PCDHGA5: variants seen among roughly 807,000 people sequenced by gnomAD.
PCDHGA5 encodes the protein protocadherin gamma-A5.
PCDHGA5 carries 36 observed loss-of-function variants against 56.7 expected under a neutral mutation model. The ratio of observed to expected loss-of-function variants is 0.64; its 90% CI spans 0.49 to 0.84. PCDHGA5 has a LOEUF of 0.84. PCDHGA5 is among the 40% of genes least tolerant of loss of function. PCDHGA5 has a pLI of 0.00. For missense variants in PCDHGA5, 1,305 were observed against 1,201.5 expected, an observed-to-expected ratio of 1.09 and a Z score of -1.27; for synonymous variants, 563 against 520.2, an observed-to-expected ratio of 1.08 and a Z score of -1.12.
At chr5:141,409,567 G>T (rs974585499) in intron 1 of PCDHGA5, 2 of 1,613,896 alleles carry the variant, frequency 1.2e-6, no homozygotes, top group Non-Finnish European at 1.7e-6. Context: ...TCGACCAGAC[G>T]TCCTACGTGG....
chr5:141,477,221 A>G lies in PCDHGA5; in HGVS notation c.2422-17586A>G, dbSNP rs771608717. 1 of 1,614,178 alleles carries G rather than the reference A, an allele frequency of 6.2e-7. No homozygotes were observed. The highest frequency in any genetic ancestry group is 8.5e-7 in the Non-Finnish European group (1 of 1,180,044). ...AGTACCCGAGGATGCCCCTCTGGGG[A>G]CTGTCATCGCTTTGCTCAGTGTGAC... On this transcript the variant is annotated intron_variant, in intron 1 of 3. Coordinates refer to ENST00000518069, the MANE Select transcript of PCDHGA5 (RefSeq NM_018918.3). This position sits in a 1 kb window ranked among gnomAD's most constrained non-coding sequence, Gnocchi z 4.9.
intron 1 of PCDHGA5, among the ~76,000 whole-genome samples, chr5:141,471,046 CTTTT>C (rs1170588345): frequency 5.3e-5 from 6 of 113,264 alleles, no homozygotes; most frequent in Admixed American, 9.3e-5. Context: ...CCCAAGCCCT[CTTTT>C]TTTTTTTTTT....
In PCDHGA5 at chr5:141,489,412, G is replaced by C; in HGVS notation, c.2422-5395G>C. On this transcript the variant is annotated intron_variant, in intron 1 of 3. Coordinates refer to ENST00000518069, the MANE Select transcript of PCDHGA5 (RefSeq NM_018918.3). The surrounding 1 kb of genome is among the most constrained non-coding windows in gnomAD (Gnocchi z 4.5). ...TCAGGATCTGGGCTTAAAGATGACAGATCTGTTGAGCCGGCGGCTGCAATT... is the reference window on the plus strand; with the variant it reads ...TCAGGATCTGGGCTTAAAGATGACACATCTGTTGAGCCGGCGGCTGCAATT... The C allele has an allele frequency of 6.2e-7, 1 of 1,614,172 alleles. No individual in the cohort carries two copies. Among genetic ancestry groups the C allele is most frequent in the Non-Finnish European group, 8.5e-7 (1 of 1,180,040 alleles).
At chr5:141,435,180 C>G (rs1341148119) in intron 1 of PCDHGA5, among the ~76,000 whole-genome samples, 1 of 152,074 alleles carries the variant, frequency 6.6e-6, no homozygotes, top group African/African-American at 2.4e-5. Context: ...TTTAACTACA[C>G]TTGAGATGGC....
intron 2 of PCDHGA5, among the ~76,000 whole-genome samples, chr5:141,503,985 T>C (rs1277024188): frequency 6.6e-6 from 1 of 152,150 alleles, no homozygotes; most frequent in African/African-American, 2.4e-5. Flanking sequence ...ACCCTTCTTC[T>C]TACCTTACAG....
In PCDHGA5 at chr5:141,511,116, G is replaced by A. The variant is rs2099883616; in HGVS notation, c.2739G>A (p.Lys913=). Residue 913 remains lysine, a synonymous_variant, in exon 4 of 4, where the codon AAG becomes AAA. Transcript: ENST00000518069. The stretch of plus-strand genomic sequence containing the variant: ...ACGCAGCTGGCAAGCGGGATGGCAA[G>A]GCCCCAGCAGGTGGCAATGGCAACA... ...LTNAAGKRDG[K]APAGGNGNKK... The A allele has an allele frequency of 1.9e-6, 3 of 1,614,234 alleles. No individual in the cohort carries two copies. The highest frequency in any genetic ancestry group is 2.5e-6 in the Non-Finnish European group (3 of 1,180,026).
At chr5:141,505,300 G>A in intron 2 of PCDHGA5, 93 bp from the exon 3 acceptor site, 1 of 1,589,042 alleles carries the variant, frequency 6.3e-7, no homozygotes, top group South Asian at 1.1e-5. Flanking sequence ...GGTAGGGTTA[G>A]GGTACTAGGT....
At chr5:141,502,512 T>C (rs1029375922) in intron 2 of PCDHGA5, among the ~76,000 whole-genome samples, 2 of 152,212 alleles carry the variant, frequency 1.3e-5, no homozygotes, top group East Asian at 1.9e-4. Context: ...CCTGTCCCAC[T>C]ATCAGTGATG....
At chr5:141,371,918 C>G in intron 1 of PCDHGA5, 7 of 1,613,372 alleles carry the variant, frequency 4.3e-6, no homozygotes, top group Non-Finnish European at 5.1e-6. Context: ...TGTCCGTGAG[C>G]GCGCGGAGCG....
intron 1 of PCDHGA5, chr5:141,400,377 A>G: frequency 1.2e-6 from 2 of 1,613,892 alleles, no homozygotes; most frequent in Non-Finnish European, 1.7e-6. Flanking sequence ...CCTACAACCT[A>G]TGTGTTGCAC....
intron 1 of PCDHGA5, among the ~76,000 whole-genome samples, chr5:141,444,203 C>A (rs2098425806): frequency 1.3e-5 from 1 of 79,180 alleles, no homozygotes; most frequent in Admixed American, 2.0e-4. Context: ...TGGAGTTTCA[C>A]TCTTGTTGCC....
rs1399250599 is a variant in PCDHGA5, at chr5:141,476,902, C to A, written c.2422-17905C>A. On this transcript the variant is annotated intron_variant, in intron 1 of 3. Coordinates refer to ENST00000518069, the MANE Select transcript of PCDHGA5 (RefSeq NM_018918.3). The surrounding 1 kb of genome is among the most constrained non-coding windows in gnomAD (Gnocchi z 7.6). ...TGGAGGATGCACCCTCCGGCACGCG[C>A]GTGGTACAAGTCCTTGCAACGGATC... 5 of 1,613,880 alleles carry A rather than the reference C, an allele frequency of 3.1e-6. No individual in the cohort carries two copies. Among genetic ancestry groups the A allele is most frequent in the South Asian group, 1.1e-5 (1 of 91,090 alleles).
At position 141,379,889 on chromosome 5, in the gene PCDHGA5, C is replaced by CTTT. The variant is rs70988800; in HGVS notation, c.2421+13166_2421+13168dup. On this transcript the variant is annotated intron_variant, in intron 1 of 3. Transcript: ENST00000518069. Reference sequence around the variant, plus strand: ...CTTATTTTATGGTCTGTGAAAGCCTCTTTTTTTTTTTTTTTTTTTTTTTTT... The same window carrying CTTT: ...CTTATTTTATGGTCTGTGAAAGCCTCTTTTTTTTTTTTTTTTTTTTTTTTTTTT... Among the ~76,000 whole-genome samples the CTTT allele has an allele frequency of 4.3e-3, 221 of 50,830 alleles. 36 individuals are homozygous for CTTT. The highest frequency in any genetic ancestry group is 5.4e-3 in the Non-Finnish European group (141 of 25,886). The allele number at this position is 50,830 out of a possible 152,430, so 33.3% of individuals were successfully genotyped here.
intron 1 of PCDHGA5, among the ~76,000 whole-genome samples, chr5:141,438,511 C>G (rs1436337566): frequency 6.8e-6 from 1 of 146,550 alleles, no homozygotes; most frequent in Non-Finnish European, 1.5e-5. Context: ...AGTGCAAAAC[C>G]AATTATTTTA....
Position 141,421,812 on chromosome 5 carries a change from A to G in PCDHGA5, c.2421+55061A>G, listed in dbSNP as rs779804436. On this transcript the variant is annotated intron_variant, in intron 1 of 3. Transcript: ENST00000518069. ...CGGATGGGGCCAAGAATCCAGAGCTAGTACTGGAGGGAAGCCTGGACCGAG... is the reference window on the plus strand; with the variant it reads ...CGGATGGGGCCAAGAATCCAGAGCTGGTACTGGAGGGAAGCCTGGACCGAG... 9.9e-6 allele frequency: 16 copies of G among 1,613,704 alleles called. 1 individual carries two copies. In the South Asian group the frequency reaches 1.5e-4, roughly 16 times the overall value.
At chr5:141,422,328 T>C (rs1561800810) in intron 1 of PCDHGA5, 4 of 1,548,502 alleles carry the variant, frequency 2.6e-6, no homozygotes, top group Non-Finnish European at 2.6e-6. Flanking sequence ...GTACAGTGAT[T>C]GCTCTTCTAA....
chr5:141,367,301 G>C (rs1765044425), intron 1 of PCDHGA5: 1 of 152,822 alleles, frequency 6.5e-6, no homozygotes, highest in African/African-American at 2.4e-5. Flanking sequence ...CACTTTGGGA[G>C]GCTGAGGTGG....
Position 141,501,335 on chromosome 5 carries a change from C to A in PCDHGA5, c.2481-4058C>A, listed in dbSNP as rs977626682. 1.5e-4 allele frequency among the ~76,000 whole-genome samples: 20 copies of A among 135,718 alleles called. No individual in the cohort carries two copies. In the East Asian group the frequency reaches 2.2e-3, roughly 15 times the overall value. The allele number at this position is 135,718 out of a possible 152,430, so 89.0% of individuals were successfully genotyped here. The stretch of plus-strand genomic sequence containing the variant: ...CACACACACACACACACACACACAC[C>A]CCAAACTCAATAGGGCAAGAACCAT... On this transcript the variant is annotated intron_variant, in intron 2 of 3. Transcript: ENST00000518069.
chr5:141,422,539 C>T (rs1335732614), intron 1 of PCDHGA5: 6 of 1,613,876 alleles, frequency 3.7e-6, no homozygotes, highest in Middle Eastern at 1.6e-4. Context: ...TGCAGAAACT[C>T]ATGTCTGGCT....
Sources: allele counts gnomAD v4.1 joint callset (sites outside exome capture counted in the v4.1 genomes callset), GRCh38; gene constraint gnomAD v4.1.1; non-coding constraint Gnocchi (gnomAD v3.1); transcripts MANE v1.5; gene names NCBI Gene and HGNC (gene_info 2026-07-23, HGNC 2026-07-21).